The following ULK4 variants were observed in gnomAD, a reference collection of about 807,000 sequenced individuals.
ULK4 encodes the protein inactive serine/threonine-protein kinase ULK4.
A neutral mutation model predicts 160.6 loss-of-function variants in ULK4; 133 were observed. The ratio of observed to expected loss-of-function variants is 0.83; its 90% CI spans 0.72 to 0.96. The LOEUF is 0.96. Among genes scored for constraint, ULK4 ranks in the 40% least tolerant of loss-of-function variants. The pLI, the probability that ULK4 is intolerant of heterozygous loss-of-function variation, is 0.00. For missense variants in ULK4, 1,580 were observed against 1,499.5 expected (o/e 1.05, Z -0.89); for synonymous variants, 534 against 539.8 (o/e 0.99, Z 0.15).
chr3:41,685,051 A>T (rs1199502017), intron 27 of ULK4, among the ~76,000 whole-genome samples: 1 of 151,112 alleles, frequency 6.6e-6, no homozygotes, highest in Non-Finnish European at 1.5e-5. Context: ...CCTGGGTTCA[A>T]TACCTGGCAC....
intron 35 of ULK4, among the ~76,000 whole-genome samples, chr3:41,344,568 A>C (rs1001671315): frequency 6.6e-6 from 1 of 152,026 alleles, no homozygotes; most frequent in South Asian, 2.1e-4. Flanking sequence ...CCTGGCCAAA[A>C]TGGTGAAACT....
At chr3:41,757,907 G>A (rs372653467) in intron 21 of ULK4, among the ~76,000 whole-genome samples, 6 of 152,196 alleles carry the variant, frequency 3.9e-5, no homozygotes, top group East Asian at 2.0e-4. Flanking sequence ...GATCACAGGC[G>A]TGAGCCACCA....
At chr3:41,432,274 TTA>T (rs1365098296) in intron 34 of ULK4, among the ~76,000 whole-genome samples, 5 of 152,168 alleles carry the variant, frequency 3.3e-5, no homozygotes, top group Non-Finnish European at 5.9e-5. Flanking sequence ...GCATAAATGA[TTA>T]TGTTACCCAT....
At chr3:41,895,451 A>C in intron 16 of ULK4, 67 bp downstream of exon 16, 4 of 897,572 alleles carry the variant, frequency 4.5e-6, no homozygotes, top group Non-Finnish European at 6.5e-6. Context: ...GCTTTTGATA[A>C]ATATGTGCTC....
At position 41,460,200 on chromosome 3, in the gene ULK4, T is replaced by G. The variant is rs146956407; in HGVS notation, c.3393+2887A>C. ...TCAACAATACTGACACATCTGCAAATCAACAGCAGTTTAATGGTCCTACTA... is the reference window on the plus strand; with the variant it reads ...TCAACAATACTGACACATCTGCAAAGCAACAGCAGTTTAATGGTCCTACTA... On this transcript the variant is annotated intron_variant, in intron 33 of 36. Transcript: ENST00000301831. Among the ~76,000 whole-genome samples, 802 of 152,188 alleles carry G rather than the reference T, an allele frequency of 5.3e-3. 7 individuals carry two copies. Among genetic ancestry groups the G allele is most frequent in the African/African-American group, 0.019 (773 of 41,506 alleles).
intron 31 of ULK4, among the ~76,000 whole-genome samples, chr3:41,601,120 A>T (rs1029527900): frequency 6.6e-6 from 1 of 152,242 alleles, no homozygotes; most frequent in Non-Finnish European, 1.5e-5. Flanking sequence ...AAATCCATTA[A>T]GTTAAATAAA....
chr3:41,942,549 G>A (rs1717022), intron 2 of ULK4, among the ~76,000 whole-genome samples: 44,496 of 151,900 alleles, frequency 0.29, 7,874 homozygotes, highest in East Asian at 0.57. Flanking sequence ...CGGGCGCGGT[G>A]GCTCACGCCT....
intron 32 of ULK4, among the ~76,000 whole-genome samples, chr3:41,557,896 A>C (rs1029088065): frequency 2.6e-5 from 4 of 152,178 alleles, no homozygotes; most frequent in East Asian, 3.8e-4. Flanking sequence ...CAAGAAATGC[A>C]TAAGACCTAT....
At chr3:41,614,689 A>T (rs777209162) in intron 31 of ULK4, among the ~76,000 whole-genome samples, 77 of 152,180 alleles carry the variant, frequency 5.1e-4, no homozygotes, top group Non-Finnish European at 7.8e-4. Flanking sequence ...AATGCAAATA[A>T]CTCAGCAAAT....
intron 22 of ULK4, among the ~76,000 whole-genome samples, chr3:41,746,705 A>G (rs2038434840): frequency 6.6e-6 from 1 of 151,916 alleles, no homozygotes; most frequent in Non-Finnish European, 1.5e-5. Context: ...AAGAATAAAA[A>G]GAGAGGAATC....
chr3:41,840,772 T>G (rs531577864), intron 17 of ULK4, among the ~76,000 whole-genome samples: 6 of 152,226 alleles, frequency 3.9e-5, no homozygotes, highest in Admixed American at 3.9e-4. Flanking sequence ...AGTGCTAAGA[T>G]TACAGCCTCT....
intron 27 of ULK4, among the ~76,000 whole-genome samples, chr3:41,692,330 A>G (rs1298552800): frequency 6.6e-6 from 1 of 151,768 alleles, no homozygotes; most frequent in Non-Finnish European, 1.5e-5. Flanking sequence ...CATGTTCTAA[A>G]CCTTTGAGTG....
At chr3:41,312,846 CT>C (rs1436585356) in intron 35 of ULK4, among the ~76,000 whole-genome samples, 1 of 152,000 alleles carries the variant, frequency 6.6e-6, no homozygotes, top group Non-Finnish European at 1.5e-5. Flanking sequence ...AACAAAAAAA[CT>C]TGTGGAATGC....
chr3:41,770,137 G>A (rs192175176), intron 21 of ULK4, among the ~76,000 whole-genome samples: 5 of 152,164 alleles, frequency 3.3e-5, no homozygotes, highest in Admixed American at 1.3e-4. Context: ...CACATAATCC[G>A]ATTAATATGT....
At chr3:41,922,767 T>C (rs756268538) in intron 5 of ULK4, among the ~76,000 whole-genome samples, 13 of 152,006 alleles carry the variant, frequency 8.6e-5, no homozygotes, top group Non-Finnish European at 1.8e-4. Flanking sequence ...TCTGGTCAGA[T>C]TGCAATGTAC....
At chr3:41,955,160 C>A (rs564480765) in intron 1 of ULK4, among the ~76,000 whole-genome samples, 10 of 152,234 alleles carry the variant, frequency 6.6e-5, no homozygotes, top group African/African-American at 2.4e-4. Context: ...TGTTGTGATG[C>A]GCGCCTGTAA....
chr3:41,466,417 A>C (rs149310628), intron 32 of ULK4, among the ~76,000 whole-genome samples: 2 of 152,354 alleles, frequency 1.3e-5, no homozygotes, highest in African/African-American at 4.8e-5. Flanking sequence ...TTCAGAAAAA[A>C]ATCCTTTTCA....
intron 35 of ULK4, among the ~76,000 whole-genome samples, chr3:41,333,449 T>C (rs1260438379): frequency 6.7e-6 from 1 of 149,276 alleles, no homozygotes; most frequent in Non-Finnish European, 1.5e-5. Context: ...GGATCTCTAC[T>C]GGGCACTGGC....
At chr3:41,773,682 A>G (rs1368173688) in intron 21 of ULK4, among the ~76,000 whole-genome samples, 2 of 152,196 alleles carry the variant, frequency 1.3e-5, no homozygotes, top group South Asian at 2.1e-4. Context: ...ATACCCATCA[A>G]GCTACCAATG....
Sources: gnomAD v4.1 joint callset for allele counts (sites outside exome capture counted in the v4.1 genomes callset) on GRCh38, gnomAD v4.1.1 for gene constraint, MANE v1.5 for transcripts, NCBI Gene and HGNC (gene_info 2026-07-23, HGNC 2026-07-21) for gene names.